The following RPS6KA5 variants were observed in gnomAD, a reference collection of about 807,000 sequenced individuals.
RPS6KA5 encodes ribosomal protein S6 kinase A5.
In RPS6KA5, 27 loss-of-function variants were observed where a neutral mutation model predicts 85.5. The observed-to-expected ratio is 0.32, with a 90% confidence interval of 0.23 to 0.44. RPS6KA5 has a LOEUF of 0.44. RPS6KA5 is among the 20% of genes least tolerant of loss of function. RPS6KA5 has a pLI of 1.00. For synonymous variants in RPS6KA5, 334 were observed against 348.2 expected (o/e 0.96, Z 0.46); for missense variants, 811 against 980.9 (o/e 0.83, Z 2.31).
At chr14:90,976,047 A>G (rs753902089) in intron 3 of RPS6KA5, among the ~76,000 whole-genome samples, 1 of 152,202 alleles carries the variant, frequency 6.6e-6, no homozygotes, top group Non-Finnish European at 1.5e-5. Flanking sequence ...TGGAGAGCCA[A>G]TAACGAAAAA....
At chr14:90,883,263 T>A (rs1165833785) in intron 14 of RPS6KA5, among the ~76,000 whole-genome samples, 3 of 152,206 alleles carry the variant, frequency 2.0e-5, no homozygotes, top group Non-Finnish European at 4.4e-5. Context: ...ACTCCGACAA[T>A]GCATATGTTG....
intron 3 of RPS6KA5, among the ~76,000 whole-genome samples, chr14:90,964,804 A>G (rs1247326897): frequency 1.3e-5 from 2 of 151,212 alleles, no homozygotes; most frequent in African/African-American, 4.9e-5. Flanking sequence ...AGTCCCAGCT[A>G]CTTGGGAGGC....
At chr14:91,030,570 A>G (rs1027171024) in intron 1 of RPS6KA5, among the ~76,000 whole-genome samples, 4 of 144,342 alleles carry the variant, frequency 2.8e-5, no homozygotes, top group Admixed American at 2.2e-4. Flanking sequence ...TCACCAGACA[A>G]TTGAGAGAAA....
In RPS6KA5 at chr14:91,026,624, G is replaced by C. The variant is rs951088720; in HGVS notation, c.104-25465C>G. ...GAATAGTACTGTGATGAACATACAA[G>C]TGCATGTGTCTATTGTGATATTCAT... On this transcript the variant is annotated intron_variant, in intron 1 of 16. Coordinates refer to ENST00000614987, the MANE Select transcript of RPS6KA5 (RefSeq NM_004755.4). 2.6e-5 allele frequency among the ~76,000 whole-genome samples: 4 copies of C among 152,302 alleles called. No homozygotes were observed. The East Asian group carries it at 5.8e-4, about 22-fold the overall frequency.
At chr14:90,914,204 G>A (rs890920329) in intron 7 of RPS6KA5, among the ~76,000 whole-genome samples, 1 of 152,032 alleles carries the variant, frequency 6.6e-6, no homozygotes, top group African/African-American at 2.4e-5. Flanking sequence ...GGAAACAACA[G>A]AGGGCCAGGT....
chr14:90,952,788 G>A (rs2140389885), intron 3 of RPS6KA5, among the ~76,000 whole-genome samples: 1 of 152,354 alleles, frequency 6.6e-6, no homozygotes, highest in Non-Finnish European at 1.5e-5. Context: ...CACCTTCTGG[G>A]TAGGGAAGAT....
chr14:90,937,407 A>G (rs2037318970), intron 5 of RPS6KA5, among the ~76,000 whole-genome samples: 1 of 151,834 alleles, frequency 6.6e-6, no homozygotes, highest in Non-Finnish European at 1.5e-5. Context: ...GTATTCTGAG[A>G]TTTTTTTTCC....
At chr14:91,058,462 A>G (rs559979733) in intron 1 of RPS6KA5, among the ~76,000 whole-genome samples, 1 of 152,384 alleles carries the variant, frequency 6.6e-6, no homozygotes, top group African/African-American at 2.4e-5. Context: ...TTGGTCATTT[A>G]GCAAAAAGCT....
At chr14:90,877,769 G>C (rs2033573074) in intron 14 of RPS6KA5, among the ~76,000 whole-genome samples, 1 of 152,112 alleles carries the variant, frequency 6.6e-6, no homozygotes, top group Non-Finnish European at 1.5e-5. Context: ...CAGTTACCCA[G>C]TTTGGGTAAC....
chr14:91,019,069 T>C (rs1476780613), intron 1 of RPS6KA5, among the ~76,000 whole-genome samples: 4 of 152,132 alleles, frequency 2.6e-5, no homozygotes, highest in Admixed American at 6.6e-5. Context: ...ACAGGATAGC[T>C]GTATCATGTT....
Position 90,894,437 on chromosome 14 carries a change from C to T in RPS6KA5, c.1620G>A (p.Val540=), listed in dbSNP as rs754144321. 2 of 1,613,994 alleles carry T rather than the reference C, an allele frequency of 1.2e-6. No individual in the cohort carries two copies. Among genetic ancestry groups the T allele is most frequent in the Non-Finnish European group, 1.7e-6 (2 of 1,179,952 alleles). The part of the protein sequence containing the change: ...SAVSHMHDVG[V]VHRDLKPENL... ...CCTCAGGTTTCAGATCCCTGTGCAC[C>T]ACTCCAACATCATGCATGTGGCTTA... Residue 540 remains valine, a synonymous_variant, in exon 13 of 17, where the codon GTG becomes GTA. Coordinates refer to ENST00000614987, the MANE Select transcript of RPS6KA5 (RefSeq NM_004755.4).
At chr14:90,981,079 G>A (rs887591424) in intron 2 of RPS6KA5, among the ~76,000 whole-genome samples, 1 of 152,242 alleles carries the variant, frequency 6.6e-6, no homozygotes, top group African/African-American at 2.4e-5. Context: ...GCTGAGGCAG[G>A]AGAATTGCTT....
chr14:90,997,291 C>A (rs368655442), intron 2 of RPS6KA5, among the ~76,000 whole-genome samples: 1 of 152,132 alleles, frequency 6.6e-6, no homozygotes, highest in Non-Finnish European at 1.5e-5. Flanking sequence ...TAAAAGTGTG[C>A]ATGACTTTTT....
intron 1 of RPS6KA5, among the ~76,000 whole-genome samples, chr14:91,026,207 T>C (rs2041985114): frequency 6.6e-6 from 1 of 152,186 alleles, no homozygotes; most frequent in African/African-American, 2.4e-5. Context: ...TATTCCATGG[T>C]GTATACGTAC....
intron 4 of RPS6KA5, among the ~76,000 whole-genome samples, 158 bp downstream of exon 4, chr14:90,947,277 A>G (rs529446981): frequency 6.6e-6 from 1 of 152,338 alleles, no homozygotes; most frequent in South Asian, 2.1e-4. Flanking sequence ...ATTTTTTCAA[A>G]CGGAATTATG....
chr14:90,929,301 T>A (rs2036845687), intron 5 of RPS6KA5, among the ~76,000 whole-genome samples: 1 of 151,920 alleles, frequency 6.6e-6, no homozygotes, highest in Non-Finnish European at 1.5e-5. Context: ...CTAAAAGGTA[T>A]GAGAAATGAA....
chr14:90,901,974 A>C (rs976034230), intron 9 of RPS6KA5, among the ~76,000 whole-genome samples: 22 of 148,836 alleles, frequency 1.5e-4, no homozygotes, highest in African/African-American at 5.5e-4. Context: ...TTGAGGCCAG[A>C]GTTCAAGACC....
intron 1 of RPS6KA5, among the ~76,000 whole-genome samples, chr14:91,036,568 T>C (rs1222307484): frequency 6.6e-6 from 1 of 152,134 alleles, no homozygotes; most frequent in African/African-American, 2.4e-5. Flanking sequence ...GAAAAGGACA[T>C]TTACATGCAG....
rs2032793389 is a variant in RPS6KA5 at position 90,866,156 on chromosome 14, GAGT to G, written c.*5915_*5917del. 1 of 152,232 alleles carries G rather than the reference GAGT, an allele frequency of 6.6e-6. No homozygotes were observed. The highest frequency in any genetic ancestry group is 2.4e-5 in the African/African-American group (1 of 41,450). The allele number at this position is 152,232 out of a possible 1,614,324, so 9.4% of individuals were successfully genotyped here. A position where few individuals can be genotyped will look rare whatever the true frequency, so the allele number is the denominator to read the frequency against. Reference sequence around the variant, plus strand: ...AAATACGAGAAAAAGTGCATGTACGGAGTATGGGATGAACTGATGCAGTTAAGG... The same window carrying G: ...AAATACGAGAAAAAGTGCATGTACGGATGGGATGAACTGATGCAGTTAAGG... On this transcript the variant is annotated 3_prime_UTR_variant, in exon 17 of 17. Transcript: ENST00000614987.
Sources: gnomAD v4.1 joint callset for allele counts (sites outside exome capture counted in the v4.1 genomes callset) on GRCh38, gnomAD v4.1.1 for gene constraint, MANE v1.5 for transcripts, NCBI Gene and HGNC (gene_info 2026-07-23, HGNC 2026-07-21) for gene names.